Variants in ACTR10 observed in about 807,000 individuals in gnomAD.
ACTR10 encodes the protein actin-related protein 10.
Under a neutral mutation model 56.2 loss-of-function variants are expected in ACTR10, and 43 were observed. The ratio of observed to expected loss-of-function variants is 0.77; its 90% CI spans 0.60 to 0.99. The LOEUF is 0.99. Ranked by LOEUF, ACTR10 falls within the 50% of genes least tolerant of loss-of-function variation. The probability of loss-of-function intolerance (pLI) is 0.00; values close to 1 mark genes in which losing one functional copy is unlikely to be tolerated. For missense variants in ACTR10, 466 were observed against 507.8 expected, an observed-to-expected ratio of 0.92 and a Z score of 0.79; for synonymous variants, 170 against 176.3, an observed-to-expected ratio of 0.96 and a Z score of 0.28.
intron 2 of ACTR10, among the ~76,000 whole-genome samples, chr14:58,204,579 T>G (rs1888811022): frequency 6.6e-6 from 1 of 151,904 alleles, no homozygotes; most frequent in Non-Finnish European, 1.5e-5. Flanking sequence ...ATAAAAGTCA[T>G]GGATTGAAAA....
At chr14:58,214,485 TTTA>T (rs537124173) in intron 6 of ACTR10, among the ~76,000 whole-genome samples, 8 of 151,172 alleles carry the variant, frequency 5.3e-5, no homozygotes, top group Admixed American at 1.3e-4. Flanking sequence ...GGGGAAGACC[TTTA>T]TTATTATTAT....
intron 4 of ACTR10, among the ~76,000 whole-genome samples, chr14:58,210,490 T>C (rs1448452528): frequency 3.3e-5 from 5 of 152,118 alleles, no homozygotes; most frequent in African/African-American, 7.2e-5. Flanking sequence ...AGCAAGACTT[T>C]GTCTCTAAGT....
At chr14:58,200,416 A>G (rs757353955) in intron 1 of ACTR10, 122 bp downstream of exon 1, 63 of 686,082 alleles carry the variant, frequency 9.2e-5, no homozygotes, top group Non-Finnish European at 1.2e-4. Context: ...CTTTTCTTCA[A>G]CCAGCGCCCT....
At chr14:58,229,792 A>G (rs1345480359) in intron 10 of ACTR10, among the ~76,000 whole-genome samples, 1 of 151,790 alleles carries the variant, frequency 6.6e-6, no homozygotes, top group Non-Finnish European at 1.5e-5. Context: ...ATATATATGT[A>G]TATATCAAAC....
chr14:58,234,899 G>A lies in ACTR10; in HGVS notation c.*348G>A. On this transcript the variant is annotated 3_prime_UTR_variant, in exon 13 of 13. Transcript: ENST00000254286. ...TGCAGTGGCACAATCTCTACTCATT[G>A]CAAGCTCCGCCTCCCGGGTTTACGC... 7.6e-6 allele frequency: 1 copy of A among 131,150 alleles called. No individual in the cohort carries two copies. The highest frequency in any genetic ancestry group is 8.9e-5 in the Admixed American group (1 of 11,242). The allele number at this position is 131,150 out of a possible 1,614,324, so 8.1% of individuals were successfully genotyped here.
intron 5 of ACTR10, chr14:58,212,974 C>CG (rs1237530273): frequency 2.6e-5 from 4 of 152,166 alleles, no homozygotes; most frequent in Non-Finnish European, 4.4e-5. Context: ...AAAAATTAGC[C>CG]GGGTGTGGTG....
rs937587783 is a variant in ACTR10 at position 58,230,826 on chromosome 14, T to C, written c.870+346T>C. On this transcript the variant is annotated intron_variant, in intron 11 of 12. Coordinates refer to ENST00000254286, the MANE Select transcript of ACTR10 (RefSeq NM_018477.3). ...CCCAGGCTGGAGTGCAGTGGCGCGATCTCAGCTCACTGCAGCCTCTGCCTC... is the reference window on the plus strand; with the variant it reads ...CCCAGGCTGGAGTGCAGTGGCGCGACCTCAGCTCACTGCAGCCTCTGCCTC... Among the ~76,000 whole-genome samples, 10 of 151,768 alleles carry C rather than the reference T, an allele frequency of 6.6e-5. No homozygotes were observed. In the East Asian group the frequency reaches 1.9e-3, roughly 29 times the overall value.
At chr14:58,221,661 G>A (rs1006569944) in intron 8 of ACTR10, among the ~76,000 whole-genome samples, 1 of 152,070 alleles carries the variant, frequency 6.6e-6, no homozygotes, top group Non-Finnish European at 1.5e-5. Context: ...GTGTGATCTT[G>A]AACTGGGATG....
intron 6 of ACTR10, among the ~76,000 whole-genome samples, chr14:58,214,260 A>G (rs923703717): frequency 6.6e-6 from 1 of 152,186 alleles, no homozygotes; most frequent in Admixed American, 6.5e-5. Flanking sequence ...AACTGAGCAC[A>G]TATAATATTG....
In ACTR10 at chr14:58,219,719, G is replaced by A. The variant is rs1201045419; in HGVS notation, c.624G>A (p.Glu208=). Residue 208 remains glutamate, a synonymous_variant, in exon 8 of 13, where the codon GAG becomes GAA. Transcript: ENST00000254286. ...VMGSVPEGVL[E]DIKARTCFVS... ...GTTCAGTTCCGGAAGGTGTCTTAGA[G>A]GACATTAAAGGTAAACTAAGTTCTC... 1 of 1,524,258 alleles carries A rather than the reference G, an allele frequency of 6.6e-7. No individual in the cohort carries two copies. The highest frequency in any genetic ancestry group is 8.8e-7 in the Non-Finnish European group (1 of 1,135,396). The allele number at this position is 1,524,258 out of a possible 1,614,324, so 94.4% of individuals were successfully genotyped here. A position where few individuals can be genotyped will look rare whatever the true frequency, so the allele number is the denominator to read the frequency against.
intron 2 of ACTR10, among the ~76,000 whole-genome samples, chr14:58,204,402 A>C (rs1888804516): frequency 6.6e-6 from 1 of 151,554 alleles, no homozygotes; most frequent in Admixed American, 6.6e-5. Context: ...AAAATAAAAT[A>C]AAATCGTGGA....
chr14:58,233,020 G>A (rs1011117386), intron 12 of ACTR10, among the ~76,000 whole-genome samples: 80 of 151,732 alleles, frequency 5.3e-4, no homozygotes, highest in African/African-American at 1.9e-3. Flanking sequence ...ATAGGCGCCC[G>A]CCACCACGCC....
chr14:58,205,076 C>T (rs1209908053), intron 2 of ACTR10, among the ~76,000 whole-genome samples: 2 of 151,674 alleles, frequency 1.3e-5, no homozygotes, highest in African/African-American at 2.4e-5. Flanking sequence ...CAAAATTAGC[C>T]GGGCATGGTG....
At chr14:58,229,224 A>G (rs1365084981) in intron 10 of ACTR10, among the ~76,000 whole-genome samples, 1 of 152,168 alleles carries the variant, frequency 6.6e-6, no homozygotes, top group Non-Finnish European at 1.5e-5. Context: ...ATCTAGAAAC[A>G]GAGTAAAACA....
In ACTR10 at chr14:58,213,691, C is replaced by T; in HGVS notation, c.511C>T (p.Leu171Phe). Residue 171 changes from leucine (L) to phenylalanine (F), a missense_variant, in exon 6 of 13, where the codon CTT (leucine) becomes TTT (phenylalanine). Physicochemically the swap from Leu to Phe is conservative, Grantham distance 22. Transcript: ENST00000254286. ...AGCACTACCCCTAGGAGGAAAAGCT[C>T]TTCACAAGTAAGTTTCTTGGAATTT... ...WGALPLGGKA[L>F]HKELETQLLE... 6.2e-7 allele frequency: 1 copy of T among 1,610,772 alleles called. No homozygotes were observed. Among genetic ancestry groups the T allele is most frequent in the Non-Finnish European group, 8.5e-7 (1 of 1,178,176 alleles).
chr14:58,228,339 C>T (rs1029324980), intron 10 of ACTR10, among the ~76,000 whole-genome samples: 3 of 152,100 alleles, frequency 2.0e-5, no homozygotes, highest in South Asian at 2.1e-4. Context: ...CAACATAGGC[C>T]GGGTGCGGTG....
chr14:58,217,558 C>G (rs891356378), intron 7 of ACTR10, among the ~76,000 whole-genome samples: 4 of 151,250 alleles, frequency 2.6e-5, no homozygotes, highest in African/African-American at 9.7e-5. Context: ...CCCAGCTACT[C>G]GGGAGGCTGA....
In ACTR10 at chr14:58,234,460, G is replaced by A. The variant is rs1261887073; in HGVS notation, c.1163G>A (p.Cys388Tyr). The change falls in exon 13 of 13, where the codon TGT becomes TAT. Residue 388 changes from cysteine to tyrosine, a missense_variant. Physicochemically the swap from Cys to Tyr is radical, Grantham distance 194. Transcript: ENST00000254286. ...YNQTGRIPDW[C>Y]SLNNPPLEMM... The stretch of plus-strand genomic sequence containing the variant: ...CAGACGGGCCGTATACCTGATTGGT[G>A]TTCTCTCAATAACCCACCTTTGGAA... 1 of 1,613,538 alleles carries A rather than the reference G, an allele frequency of 6.2e-7. No homozygotes were observed. Among genetic ancestry groups the A allele is most frequent in the Non-Finnish European group, 8.5e-7 (1 of 1,179,708 alleles).
intron 2 of ACTR10, among the ~76,000 whole-genome samples, chr14:58,205,208 C>T (rs566947847): frequency 5.3e-5 from 8 of 149,812 alleles, no homozygotes; most frequent in Admixed American, 6.6e-5. Flanking sequence ...GCAACAAGAG[C>T]GAAACTCCAT....
Sources: allele counts gnomAD v4.1 joint callset (sites outside exome capture counted in the v4.1 genomes callset), GRCh38; gene constraint gnomAD v4.1.1; transcripts MANE v1.5; gene names NCBI Gene and HGNC (gene_info 2026-07-23, HGNC 2026-07-21).